The following TECRL variants were observed in gnomAD, a reference collection of about 807,000 sequenced individuals.
TECRL encodes trans-2,3-enoyl-CoA reductase like.
A neutral mutation model predicts 52.8 loss-of-function variants in TECRL; 63 were observed. That is an observed-to-expected ratio of 1.19 (90% confidence interval 0.97 to 1.47). TECRL has a LOEUF of 1.47. TECRL is among the 40% of genes most tolerant of loss of function. The pLI is 0.00. For synonymous variants in TECRL, 164 were observed against 141.9 expected (o/e 1.16, Z -1.10); for missense variants, 482 against 429.6 (o/e 1.12, Z -1.08).
At chr4:64,294,138 C>T (rs1242230295) in intron 8 of TECRL, among the ~76,000 whole-genome samples, 1 of 151,780 alleles carries the variant, frequency 6.6e-6, no homozygotes, top group Non-Finnish European at 1.5e-5. Context: ...AGGTGCATGC[C>T]ACCACGCCCA....
chr4:64,313,478 T>A (rs1156430136), intron 5 of TECRL, among the ~76,000 whole-genome samples: 1 of 6,134 alleles, frequency 1.6e-4, no homozygotes, highest in African/African-American at 2.0e-4. Context: ...CCTTACTCCT[T>A]TTTTTTTTTT....
At chr4:64,399,854 T>C (rs1179805870) in intron 1 of TECRL, among the ~76,000 whole-genome samples, 2 of 152,260 alleles carry the variant, frequency 1.3e-5, no homozygotes, top group Admixed American at 6.5e-5. Flanking sequence ...GGAGAACCTC[T>C]ACTAGGGCAG....
intron 8 of TECRL, among the ~76,000 whole-genome samples, chr4:64,295,450 A>G (rs975404427): frequency 5.9e-5 from 9 of 151,506 alleles, no homozygotes; most frequent in Admixed American, 2.6e-4. Flanking sequence ...TTTCATCTCT[A>G]CTATGATGGT....
chr4:64,338,491 C>T (rs112440873), intron 2 of TECRL, among the ~76,000 whole-genome samples: 4,524 of 152,012 alleles, frequency 0.03, 105 homozygotes, highest in African/African-American at 0.065. Context: ...CAGAGTCAAC[C>T]GGCAACCTAC....
chr4:64,345,002 A>G (rs1453895150), intron 2 of TECRL, among the ~76,000 whole-genome samples: 4 of 152,332 alleles, frequency 2.6e-5, no homozygotes, highest in Non-Finnish European at 4.4e-5. Context: ...CAAAACCACA[A>G]TGAGATACCA....
intron 1 of TECRL, among the ~76,000 whole-genome samples, chr4:64,381,886 C>T (rs1036401971): frequency 4.6e-5 from 7 of 151,490 alleles, no homozygotes; most frequent in Non-Finnish European, 8.8e-5. Flanking sequence ...CGCAAGTGCA[C>T]GTGTGTGTGG....
At chr4:64,347,572 G>A (rs1334538349) in intron 2 of TECRL, among the ~76,000 whole-genome samples, 1 of 152,096 alleles carries the variant, frequency 6.6e-6, no homozygotes, top group Non-Finnish European at 1.5e-5. Flanking sequence ...TTACAATCAT[G>A]GTGCAAGGCA....
At chr4:64,345,306 G>A (rs1267210033) in intron 2 of TECRL, among the ~76,000 whole-genome samples, 4 of 152,142 alleles carry the variant, frequency 2.6e-5, no homozygotes, top group African/African-American at 9.6e-5. Flanking sequence ...CAACCCAAAT[G>A]TCCAACAATG....
intron 2 of TECRL, among the ~76,000 whole-genome samples, chr4:64,346,910 T>A (rs976141692): frequency 2.0e-5 from 3 of 152,246 alleles, no homozygotes; most frequent in Non-Finnish European, 4.4e-5. Context: ...GAAAAATTTA[T>A]CGCTACTGTT....
At chr4:64,314,437 C>T (rs1717319906) in intron 5 of TECRL, among the ~76,000 whole-genome samples, 1 of 152,034 alleles carries the variant, frequency 6.6e-6, no homozygotes. Context: ...CCTAATAGTT[C>T]TTAGTTTACA....
At chr4:64,325,184 C>A (rs570097651) in intron 3 of TECRL, among the ~76,000 whole-genome samples, 14 of 152,292 alleles carry the variant, frequency 9.2e-5, no homozygotes, top group Admixed American at 2.6e-4. Flanking sequence ...AGCAAGAACA[C>A]AGGAACTTCT....
intron 7 of TECRL, among the ~76,000 whole-genome samples, chr4:64,300,424 G>T (rs1197223530): frequency 6.7e-6 from 1 of 150,312 alleles, no homozygotes; most frequent in Non-Finnish European, 1.5e-5. Context: ...TTGATGTTTT[G>T]TCACAGGTAG....
chr4:64,339,987 A>C (rs541342299), intron 2 of TECRL, among the ~76,000 whole-genome samples: 11 of 152,258 alleles, frequency 7.2e-5, no homozygotes, highest in African/African-American at 2.6e-4. Context: ...TGGTCTCACT[A>C]TGAGCAACCG....
At chr4:64,330,515 T>A (rs1718564986) in intron 2 of TECRL, among the ~76,000 whole-genome samples, 1 of 152,058 alleles carries the variant, frequency 6.6e-6, no homozygotes, top group Non-Finnish European at 1.5e-5. Flanking sequence ...TAAACTTTAA[T>A]TAATCAGCTG....
chr4:64,306,167 G>T (rs1030538545), intron 6 of TECRL, among the ~76,000 whole-genome samples: 1 of 152,140 alleles, frequency 6.6e-6, no homozygotes, highest in African/African-American at 2.4e-5. Context: ...CTGGGCCTCT[G>T]TCAGTCAGTT....
At chr4:64,295,602 G>C (rs1413446804) in intron 8 of TECRL, among the ~76,000 whole-genome samples, 1 of 151,526 alleles carries the variant, frequency 6.6e-6, no homozygotes, top group Non-Finnish European at 1.5e-5. Flanking sequence ...AAGAAAGTTA[G>C]TTTACATACA....
chr4:64,280,009 TA>T lies in TECRL; in HGVS notation c.*62del, dbSNP rs1345299111. 1.3e-6 allele frequency: 2 copies of T among 1,519,784 alleles called. No homozygotes were observed. Among genetic ancestry groups the T allele is most frequent in the Middle Eastern group, 4.8e-4 (2 of 4,148 alleles). The allele number at this position is 1,519,784 out of a possible 1,614,324, so 94.1% of individuals were successfully genotyped here. Reference sequence around the variant, plus strand: ...TTGGAGTATAATAGTTAACTATCCTTAACTAAGTCTTATTTATTGAATTTAT... The same window carrying T: ...TTGGAGTATAATAGTTAACTATCCTTACTAAGTCTTATTTATTGAATTTAT... On this transcript the variant is annotated 3_prime_UTR_variant, in exon 12 of 12. Coordinates refer to ENST00000381210, the MANE Select transcript of TECRL (RefSeq NM_001010874.5).
chr4:64,346,851 A>G (rs1720025520), intron 2 of TECRL, among the ~76,000 whole-genome samples: 1 of 152,144 alleles, frequency 6.6e-6, no homozygotes, highest in Non-Finnish European at 1.5e-5. Flanking sequence ...GACTTTTTTC[A>G]TATGTTTGCT....
At chr4:64,277,511 T>C (rs1722614106), downstream of TECRL, among the ~76,000 whole-genome samples, 1 of 151,854 alleles carries the variant, frequency 6.6e-6, no homozygotes, top group Non-Finnish European at 1.5e-5. Flanking sequence ...TTTAATAGTA[T>C]GCTTTGGGAA....
Sources: gnomAD v4.1 joint callset for allele counts (sites outside exome capture counted in the v4.1 genomes callset) on GRCh38, gnomAD v4.1.1 for gene constraint, MANE v1.5 for transcripts, NCBI Gene and HGNC (gene_info 2026-07-23, HGNC 2026-07-21) for gene names.